Variants in SPIRE1 observed in about 807,000 individuals in gnomAD.
SPIRE1 encodes the protein spire type actin nucleation factor 1.
In SPIRE1, 40 loss-of-function variants were observed where a neutral mutation model predicts 94.1. That is an observed-to-expected ratio of 0.43 (90% CI 0.33 to 0.55). The LOEUF (loss-of-function observed/expected upper bound fraction) is 0.55. SPIRE1 is among the 20% of genes least tolerant of loss of function. The pLI is 0.06. For synonymous variants in SPIRE1, 376 were observed against 371.7 expected, an observed-to-expected ratio of 1.01 and a Z score of -0.13; for missense variants, 838 against 975.2, an observed-to-expected ratio of 0.86 and a Z score of 1.87.
upstream of SPIRE1, chr18:12,658,940 C>T: frequency 1.3e-5 from 3 of 238,590 alleles, no homozygotes; most frequent in South Asian, 8.6e-5. Flanking sequence ...AAGGTAATGT[C>T]TCAAGTACCA....
At chr18:12,631,336 G>C (rs977875606) in intron 2 of SPIRE1, among the ~76,000 whole-genome samples, 2 of 150,576 alleles carry the variant, frequency 1.3e-5, no homozygotes, top group Non-Finnish European at 3.0e-5. Flanking sequence ...ACATTTTATG[G>C]AGGAAAAAAA....
At chr18:12,502,002 G>GT (rs1266640784) in intron 6 of SPIRE1, among the ~76,000 whole-genome samples, 1 of 152,098 alleles carries the variant, frequency 6.6e-6, no homozygotes. Flanking sequence ...CAGGAGAAAC[G>GT]TAATTATTTA....
chr18:12,639,451 C>T (rs1327552907), intron 1 of SPIRE1, among the ~76,000 whole-genome samples: 3 of 152,022 alleles, frequency 2.0e-5, no homozygotes, highest in African/African-American at 4.8e-5. Context: ...TTGAGGAATG[C>T]GGCCAGGCGC....
chr18:12,642,849 G>A (rs973952658), intron 1 of SPIRE1, among the ~76,000 whole-genome samples: 1 of 152,124 alleles, frequency 6.6e-6, no homozygotes, highest in Non-Finnish European at 1.5e-5. Flanking sequence ...GGGTTGACAG[G>A]TGCAGCAAAC....
intron 9 of SPIRE1, among the ~76,000 whole-genome samples, chr18:12,482,236 G>A (rs548715906): frequency 6.6e-6 from 1 of 152,278 alleles, no homozygotes; most frequent in South Asian, 2.1e-4. Context: ...TCTGCCTCCT[G>A]GGTTCAAGCG....
At chr18:12,462,203 T>C (rs2031892823) in intron 12 of SPIRE1, among the ~76,000 whole-genome samples, 1 of 152,234 alleles carries the variant, frequency 6.6e-6, no homozygotes, top group Admixed American at 6.5e-5. Context: ...AATGACCAAA[T>C]ATTAACATTC....
intron 1 of SPIRE1, among the ~76,000 whole-genome samples, chr18:12,652,388 C>A (rs1252154321): frequency 6.6e-6 from 1 of 152,176 alleles, no homozygotes; most frequent in Non-Finnish European, 1.5e-5. Context: ...ATTATTACTA[C>A]AACTGCATAA....
At chr18:12,653,027 C>T (rs1293465693) in intron 1 of SPIRE1, 1 of 152,236 alleles carries the variant, frequency 6.6e-6, no homozygotes, top group Non-Finnish European at 1.5e-5. Context: ...GAATCCACTT[C>T]TCTACCCTGA....
intron 2 of SPIRE1, among the ~76,000 whole-genome samples, chr18:12,615,501 C>T (rs1371670523): frequency 9.0e-4 from 124 of 137,184 alleles, no homozygotes; most frequent in African/African-American, 3.2e-3. Flanking sequence ...GATCTCACCA[C>T]TGAACTCCAC....
chr18:12,555,174 C>G (rs1039585309), intron 2 of SPIRE1, among the ~76,000 whole-genome samples: 22 of 152,186 alleles, frequency 1.4e-4, no homozygotes, highest in African/African-American at 3.4e-4. Context: ...CAGCTGCAGG[C>G]ACCCAATTAA....
intron 10 of SPIRE1, among the ~76,000 whole-genome samples, chr18:12,468,514 G>C (rs1188591793): frequency 6.6e-6 from 1 of 152,046 alleles, no homozygotes; most frequent in African/African-American, 2.4e-5. Flanking sequence ...CTCCAAATTG[G>C]ATTTTTCCAC....
intron 4 of SPIRE1, among the ~76,000 whole-genome samples, chr18:12,519,895 A>G (rs2034310959): frequency 6.6e-6 from 1 of 152,248 alleles, no homozygotes; most frequent in Admixed American, 6.5e-5. Context: ...TAAAAATTAT[A>G]AATGCACATT....
intron 2 of SPIRE1, among the ~76,000 whole-genome samples, chr18:12,552,939 C>G (rs1326172726): frequency 1.3e-5 from 2 of 152,150 alleles, no homozygotes; most frequent in Non-Finnish European, 2.9e-5. Flanking sequence ...CCATTCCAGG[C>G]CCCAGCTAAT....
chr18:12,554,491 A>G (rs2035445505), intron 2 of SPIRE1, among the ~76,000 whole-genome samples: 1 of 152,178 alleles, frequency 6.6e-6, no homozygotes, highest in South Asian at 2.1e-4. Flanking sequence ...AATGAGATCA[A>G]AGTGATAAAA....
intron 2 of SPIRE1, among the ~76,000 whole-genome samples, chr18:12,593,313 G>A (rs2036583864): frequency 6.6e-6 from 1 of 152,166 alleles, no homozygotes; most frequent in African/African-American, 2.4e-5. Flanking sequence ...AATTTAAATA[G>A]CAGACCAATT....
intron 2 of SPIRE1, among the ~76,000 whole-genome samples, chr18:12,595,436 C>CT (rs2144608990): frequency 6.6e-6 from 1 of 152,278 alleles, no homozygotes; most frequent in Non-Finnish European, 1.5e-5. Flanking sequence ...AGATTTCTGA[C>CT]TGCAAAGGAG....
At chr18:12,506,326 T>A in intron 6 of SPIRE1, 151 bp downstream of exon 6, 1 of 655,736 alleles carries the variant, frequency 1.5e-6, no homozygotes, top group Non-Finnish European at 2.6e-6. Flanking sequence ...CCCAACTAAT[T>A]TTTGTATTTT....
intron 12 of SPIRE1, among the ~76,000 whole-genome samples, chr18:12,456,711 T>C (rs1323201372): frequency 2.0e-5 from 3 of 152,220 alleles, no homozygotes; most frequent in African/African-American, 7.2e-5. Context: ...TACGCTAGCA[T>C]GGCACAACAG....
intron 4 of SPIRE1, among the ~76,000 whole-genome samples, chr18:12,528,739 G>T (rs1290435543): frequency 6.6e-6 from 1 of 152,198 alleles, no homozygotes; most frequent in Non-Finnish European, 1.5e-5. Context: ...AAACCAATGC[G>T]TGAGGCAAGG....
Sources: allele counts gnomAD v4.1 joint callset (sites outside exome capture counted in the v4.1 genomes callset), GRCh38; gene constraint gnomAD v4.1.1; transcripts MANE v1.5; gene names NCBI Gene and HGNC (gene_info 2026-07-23, HGNC 2026-07-21).